Variants in TMCO5A observed in about 807,000 individuals in gnomAD.
TMCO5A encodes transmembrane and coiled-coil domain-containing protein 5A.
A neutral mutation model predicts 42.3 loss-of-function variants in TMCO5A; 34 were observed. The ratio of observed to expected loss-of-function variants is 0.80; its 90% CI spans 0.61 to 1.07. TMCO5A has a LOEUF of 1.07. Among genes scored for constraint, TMCO5A ranks in the 50% least tolerant of loss-of-function variants. TMCO5A has a pLI of 0.00. For missense variants in TMCO5A, 357 were observed against 327.9 expected, an observed-to-expected ratio of 1.09 and a Z score of -0.69; for synonymous variants, 131 against 115.6, an observed-to-expected ratio of 1.13 and a Z score of -0.86.
At chr15:37,983,985 G>A in the TMCO5A span, among the ~76,000 whole-genome samples, 961 of 152,082 alleles carry the variant, frequency 6.3e-3, 15 homozygotes, top group African/African-American at 0.022. Flanking sequence ...CACCCACCTC[G>A]GTCTCCCAAA....
chr15:37,939,601 A>C (rs906140325), intron 6 of TMCO5A, among the ~76,000 whole-genome samples: 1 of 152,108 alleles, frequency 6.6e-6, no homozygotes, highest in Admixed American at 6.6e-5. Flanking sequence ...TAGTCAGAAT[A>C]ATGGCCATTA....
intron 2 of TMCO5A, among the ~76,000 whole-genome samples, chr15:37,935,668 CTA>C (rs1889485098): frequency 6.6e-6 from 1 of 152,096 alleles, no homozygotes; most frequent in Non-Finnish European, 1.5e-5. Flanking sequence ...CCAAAATACT[CTA>C]GAGTTACCAT....
the TMCO5A span, among the ~76,000 whole-genome samples, chr15:38,013,635 A>G: frequency 6.6e-6 from 1 of 152,182 alleles, no homozygotes; most frequent in African/African-American, 2.4e-5. Context: ...TTCTTAATCC[A>G]GTCTATGGAA....
chr15:37,961,124 G>A (rs558999296), intron 11 of TMCO5A, among the ~76,000 whole-genome samples: 3 of 152,060 alleles, frequency 2.0e-5, no homozygotes, highest in Non-Finnish European at 4.4e-5. Context: ...CTAAGCCAAT[G>A]CCTAAAAGGG....
At chr15:38,008,460 C>T in the TMCO5A span, among the ~76,000 whole-genome samples, 11 of 152,074 alleles carry the variant, frequency 7.2e-5, no homozygotes, top group Admixed American at 2.0e-4. Context: ...TGAAGCATCC[C>T]AACTTAATTG....
intron 11 of TMCO5A, among the ~76,000 whole-genome samples, chr15:37,965,131 G>A (rs1305092794): frequency 6.6e-6 from 1 of 152,082 alleles, no homozygotes; most frequent in Non-Finnish European, 1.5e-5. Context: ...TGAACTCATT[G>A]TTGACAAAAG....
At chr15:37,936,746 T>G in intron 3 of TMCO5A, 101 bp from the exon 4 acceptor site, 4 of 1,498,594 alleles carry the variant, frequency 2.7e-6, no homozygotes, top group Admixed American at 1.9e-5. Context: ...TTGAGATTCA[T>G]GTACACTGTC....
At chr15:37,989,203 G>A in the TMCO5A span, among the ~76,000 whole-genome samples, 7 of 151,580 alleles carry the variant, frequency 4.6e-5, no homozygotes, top group African/African-American at 1.7e-4. Flanking sequence ...TTAGTAATTT[G>A]AGTCTTCTTT....
intron 11 of TMCO5A, among the ~76,000 whole-genome samples, chr15:37,965,899 G>A (rs1890544097): frequency 6.6e-6 from 1 of 152,172 alleles, no homozygotes; most frequent in South Asian, 2.1e-4. Flanking sequence ...CAATCCCACT[G>A]CTGGGTATAT....
At chr15:37,978,592 G>A in the TMCO5A span, among the ~76,000 whole-genome samples, 2 of 152,162 alleles carry the variant, frequency 1.3e-5, no homozygotes, top group Non-Finnish European at 2.9e-5. Flanking sequence ...GGTAGTAAGG[G>A]TGGTACCACT....
the TMCO5A span, among the ~76,000 whole-genome samples, chr15:37,984,260 T>C: frequency 1.3e-5 from 2 of 152,146 alleles, no homozygotes; most frequent in Non-Finnish European, 2.9e-5. Context: ...AGGTGGTAAG[T>C]GCTAGAGCTA....
chr15:38,034,332 G>C, the TMCO5A span, among the ~76,000 whole-genome samples: 599 of 152,232 alleles, frequency 3.9e-3, 3 homozygotes, highest in African/African-American at 0.014. Flanking sequence ...GTAAGAGATT[G>C]AGCACCAGAG....
chr15:37,963,620 T>G (rs957996752), intron 11 of TMCO5A, among the ~76,000 whole-genome samples: 20 of 152,176 alleles, frequency 1.3e-4, no homozygotes. Flanking sequence ...ACTTTCTGTG[T>G]GATGACCGAT....
the TMCO5A span, among the ~76,000 whole-genome samples, chr15:38,011,690 A>G: frequency 6.6e-6 from 1 of 152,184 alleles, no homozygotes; most frequent in Non-Finnish European, 1.5e-5. Context: ...CAGTTGTTCA[A>G]TCTGCAAATG....
the TMCO5A span, chr15:38,004,825 AAAACCAG>A: frequency 5.3e-5 from 8 of 152,336 alleles, 1 homozygote; most frequent in African/African-American, 1.9e-4. Flanking sequence ...ATGTGAAGTT[AAAACCAG>A]GTATTGTGAT....
chr15:37,953,858 A>G (rs902341374), downstream of TMCO5A, among the ~76,000 whole-genome samples: 4 of 152,152 alleles, frequency 2.6e-5, no homozygotes, highest in African/African-American at 9.6e-5. Context: ...TTTAACAAAG[A>G]GATTAAAATA....
downstream of TMCO5A, among the ~76,000 whole-genome samples, chr15:37,969,104 TAGA>T (rs1284724896): frequency 2.6e-5 from 4 of 152,050 alleles, no homozygotes; most frequent in Admixed American, 2.0e-4. Context: ...AACAGAAACA[TAGA>T]AGGAGTAATT....
At chr15:37,979,453 G>A in the TMCO5A span, among the ~76,000 whole-genome samples, 65 of 152,272 alleles carry the variant, frequency 4.3e-4, no homozygotes, top group South Asian at 7.9e-3. Context: ...CCTGCCACAC[G>A]ACAGATCAAG....
At chr15:37,966,870 G>A in exon 12 of TMCO5A, 1 of 583,694 alleles carries the variant, frequency 1.7e-6, no homozygotes, top group Non-Finnish European at 3.1e-6. Context: ...TAAGGATTAA[G>A]AGCAGTCAAA....
Sources: allele counts gnomAD v4.1 joint callset (sites outside exome capture counted in the v4.1 genomes callset), GRCh38; gene constraint gnomAD v4.1.1; transcripts MANE v1.5; gene names NCBI Gene and HGNC (gene_info 2026-07-23, HGNC 2026-07-21).